Variants in ARHGEF33 observed in about 807,000 individuals in gnomAD.
The protein encoded by ARHGEF33 is Rho guanine nucleotide exchange factor 33.
A neutral mutation model predicts 101.9 loss-of-function variants in ARHGEF33; 72 were observed. The ratio of observed to expected loss-of-function variants is 0.71; its 90% CI spans 0.58 to 0.86. The LOEUF (loss-of-function observed/expected upper bound fraction) is 0.86, where lower values mean the gene tolerates loss of function less well. Ranked by LOEUF, ARHGEF33 falls within the 40% of genes least tolerant of loss-of-function variation. The pLI is 0.00. For missense variants in ARHGEF33, 1,169 were observed against 1,111.3 expected, an observed-to-expected ratio of 1.05 and a Z score of -0.74; for synonymous variants, 499 against 442.5, an observed-to-expected ratio of 1.13 and a Z score of -1.60.
intron 2 of ARHGEF33, among the ~76,000 whole-genome samples, chr2:38,906,152 G>A (rs1316865367): frequency 6.3e-5 from 9 of 142,632 alleles, no homozygotes; most frequent in East Asian, 6.2e-4. Flanking sequence ...TTGTGCCACC[G>A]CACTCCAGCC....
intron 17 of ARHGEF33, chr2:38,973,100 G>A (rs1354068065): frequency 1.3e-5 from 2 of 152,232 alleles, no homozygotes; most frequent in African/African-American, 2.4e-5. Context: ...ATGCACCCTC[G>A]ACTGGGGACT....
chr2:38,944,170 A>T, intron 10 of ARHGEF33, 140 bp downstream of exon 10: 1 of 829,380 alleles, frequency 1.2e-6, no homozygotes, highest in South Asian at 2.0e-5. Context: ...CAGTGATGGC[A>T]GATGTCTCAG....
chr2:38,933,547 C>G (rs925088195), intron 7 of ARHGEF33, among the ~76,000 whole-genome samples: 2 of 152,114 alleles, frequency 1.3e-5, no homozygotes, highest in African/African-American at 4.8e-5. Context: ...CCATGCCTTG[C>G]TAATTTTTGT....
chr2:38,896,706 A>C (rs562582300), intron 2 of ARHGEF33, among the ~76,000 whole-genome samples: 7 of 152,306 alleles, frequency 4.6e-5, no homozygotes, highest in South Asian at 2.1e-4. Flanking sequence ...TTAAGAAAAA[A>C]GTCTCATAAT....
At chr2:38,959,664 T>A (rs568460840) in intron 15 of ARHGEF33, 177 bp from the exon 16 acceptor site, 1 of 663,670 alleles carries the variant, frequency 1.5e-6, no homozygotes, top group Admixed American at 3.1e-5. Flanking sequence ...GACTGCCTTG[T>A]CCACTCTCCG....
Position 38,960,457 on chromosome 2 carries a change from G to T in ARHGEF33, c.2152G>T (p.Ala718Ser). 2 of 1,494,502 alleles carry T rather than the reference G, an allele frequency of 1.3e-6. No individual in the cohort carries two copies. Among genetic ancestry groups the T allele is most frequent in the Non-Finnish European group, 8.9e-7 (1 of 1,128,620 alleles). The allele number at this position is 1,494,502 out of a possible 1,614,324, so 92.6% of individuals were successfully genotyped here. The change falls in exon 16 of 18, where the codon GCC (alanine) becomes TCC (serine). Residue 718 changes from alanine to serine, a missense_variant. Ala to Ser is a moderately conservative substitution (Grantham distance 99). Transcript: ENST00000409978. ...SLKEFPRAPP[A>S]DGVAPRLYST... ...CAAAGAGTTCCCGCGTGCGCCGCCA[G>T]CCGACGGCGTGGCCCCACGCCTCTA... is the stretch of plus-strand genomic sequence containing the variant.
At chr2:38,918,326 C>T (rs1322155149) in intron 2 of ARHGEF33, among the ~76,000 whole-genome samples, 1 of 152,170 alleles carries the variant, frequency 6.6e-6, no homozygotes, top group Non-Finnish European at 1.5e-5. Flanking sequence ...CTTTTTGCAA[C>T]TGCCAGTGTT....
At chr2:38,934,533 C>T (rs1279897432) in intron 7 of ARHGEF33, among the ~76,000 whole-genome samples, 1 of 56,678 alleles carries the variant, frequency 1.8e-5, no homozygotes, top group Non-Finnish European at 3.3e-5. Context: ...CCCCTTCTCT[C>T]CCTCCCTCCC....
At chr2:38,916,149 T>C (rs1401541345) in intron 2 of ARHGEF33, among the ~76,000 whole-genome samples, 2 of 152,246 alleles carry the variant, frequency 1.3e-5, no homozygotes, top group African/African-American at 2.4e-5. Context: ...ACCTATGATA[T>C]ATGGATTTTG....
intron 16 of ARHGEF33, among the ~76,000 whole-genome samples, chr2:38,964,960 C>T (rs1169510619): frequency 1.3e-5 from 2 of 152,056 alleles, no homozygotes; most frequent in Admixed American, 6.5e-5. Flanking sequence ...ATGTCTAGCT[C>T]CATGGTCTAG....
At position 38,952,399 on chromosome 2, in the gene ARHGEF33, A is replaced by T. The variant is rs1023424555; in HGVS notation, c.1054-763A>T. On this transcript the variant is annotated intron_variant, in intron 11 of 17. Transcript: ENST00000409978. ...CTAAGGGGATAATGCATAGATAAAT[A>T]TGTAATTAGTGGAAATATGCAATTA... Among the ~76,000 whole-genome samples, 11 of 152,342 alleles carry T rather than the reference A, an allele frequency of 7.2e-5. No individual in the cohort carries two copies. The East Asian group carries it at 1.5e-3, about 21-fold the overall frequency.
At chr2:38,896,893 C>T (rs971684163) in intron 2 of ARHGEF33, among the ~76,000 whole-genome samples, 6 of 152,042 alleles carry the variant, frequency 3.9e-5, no homozygotes, top group Admixed American at 2.6e-4. Context: ...CCTTCCATAT[C>T]TTTCTTTTTG....
At chr2:38,931,439 A>G (rs1558432068) in intron 7 of ARHGEF33, 188 bp downstream of exon 7, 3 of 451,986 alleles carry the variant, frequency 6.6e-6, no homozygotes, top group Non-Finnish European at 1.1e-5. Context: ...AGTTTTAAAT[A>G]TTTTTTTTTT....
intron 2 of ARHGEF33, among the ~76,000 whole-genome samples, chr2:38,902,681 C>T (rs1312887364): frequency 2.0e-5 from 3 of 152,078 alleles, no homozygotes; most frequent in Non-Finnish European, 2.9e-5. Flanking sequence ...TTATTCGGCA[C>T]CTATTTATTC....
chr2:38,891,349 A>G (rs1332902967), intron 1 of ARHGEF33, among the ~76,000 whole-genome samples: 1 of 152,078 alleles, frequency 6.6e-6, no homozygotes, highest in Admixed American at 6.6e-5. Flanking sequence ...ACAAAGATCA[A>G]CTGATCTTCC....
intron 1 of ARHGEF33, among the ~76,000 whole-genome samples, chr2:38,892,395 G>A (rs988499905): frequency 6.9e-6 from 1 of 144,786 alleles, no homozygotes; most frequent in Non-Finnish European, 1.5e-5. Flanking sequence ...GGTGGGTAGA[G>A]ATGATGCCTA....
intron 2 of ARHGEF33, 71 bp from the exon 3 acceptor site, chr2:38,919,292 A>G: frequency 1.5e-6 from 1 of 682,364 alleles, no homozygotes; most frequent in Admixed American, 2.8e-5. Flanking sequence ...TTTTTTTACT[A>G]ATGTAAGAAG....
intron 11 of ARHGEF33, 94 bp downstream of exon 11, chr2:38,951,215 T>A: frequency 6.6e-6 from 8 of 1,209,290 alleles, no homozygotes; most frequent in Non-Finnish European, 9.3e-6. Context: ...AAGCAGTGAA[T>A]TTCACAGCTA....
intron 7 of ARHGEF33, among the ~76,000 whole-genome samples, chr2:38,932,628 G>A (rs1455807712): frequency 1.3e-5 from 2 of 152,146 alleles, no homozygotes; most frequent in African/African-American, 4.8e-5. Flanking sequence ...GATAGGCTTA[G>A]AATGTAAAAG....
Sources: gnomAD v4.1 joint callset for allele counts (sites outside exome capture counted in the v4.1 genomes callset) on GRCh38, gnomAD v4.1.1 for gene constraint, MANE v1.5 for transcripts, NCBI Gene and HGNC (gene_info 2026-07-23, HGNC 2026-07-21) for gene names.